Variants in LGALS2 observed in about 807,000 individuals in gnomAD.
LGALS2 encodes the protein galectin 2.
Under a neutral mutation model 10.1 loss-of-function variants are expected in LGALS2, and 7 were observed. The observed-to-expected ratio is 0.70, with a 90% CI of 0.40 to 1.31. The LOEUF is 1.31. LGALS2 is among the 50% of genes most tolerant of loss of function. The probability of loss-of-function intolerance (pLI) is 0.01; values close to 1 mark genes in which losing one functional copy is unlikely to be tolerated. For synonymous variants in LGALS2, 86 were observed against 64.2 expected (o/e 1.34, Z -1.63); for missense variants, 167 against 163.6 (o/e 1.02, Z -0.11).
chr22:37,570,262 T>TC lies in LGALS2; in HGVS notation c.399_*1insG. On this transcript the variant is annotated 3_prime_UTR_variant, in exon 4 of 4. Transcript: ENST00000215886. ...GACAGAGAATCTCGGCTGGAAGTCT[T>TC]TTATTCTTTTAACTTGAAAGAGGAC... 2 of 1,601,516 alleles carry TC rather than the reference T, an allele frequency of 1.2e-6. No homozygotes were observed. Among genetic ancestry groups the TC allele is most frequent in the Non-Finnish European group, 1.7e-6 (2 of 1,170,158 alleles).
At chr22:37,575,724 G>A (rs181605958) in intron 1 of LGALS2, among the ~76,000 whole-genome samples, 34 of 152,220 alleles carry the variant, frequency 2.2e-4, no homozygotes, top group Non-Finnish European at 4.1e-4. Context: ...CAAAGTGTTG[G>A]GATTACAGGT....
chr22:37,570,554 C>T (rs765961125), intron 3 of LGALS2, 22 bp downstream of exon 3: 30 of 1,613,938 alleles, frequency 1.9e-5, no homozygotes, highest in Non-Finnish European at 2.5e-5. Context: ...CACCCCAGTG[C>T]CCTTTCCCCC....
intron 1 of LGALS2, among the ~76,000 whole-genome samples, chr22:37,579,247 C>CAAAAAA (rs111697536): frequency 0.51 from 16,949 of 33,202 alleles, 4,421 homozygotes; most frequent in Non-Finnish European, 0.57. Flanking sequence ...GACTCCATCT[C>CAAAAAA]AAAAAAAAAA....
chr22:37,574,455 G>A (rs5756739), intron 1 of LGALS2, among the ~76,000 whole-genome samples: 75,338 of 149,128 alleles, frequency 0.51, 20,117 homozygotes, highest in Non-Finnish European at 0.58. Flanking sequence ...GGTGGAGGTT[G>A]CAGTGAGCCG....
chr22:37,579,853 C>T, intron 1 of LGALS2, 47 bp downstream of exon 1: 4 of 1,595,098 alleles, frequency 2.5e-6, no homozygotes, highest in Non-Finnish European at 3.4e-6. Flanking sequence ...CAGGCAAAGA[C>T]AAAGATGAAC....
Position 37,571,848 on chromosome 22 carries a change from C to A in LGALS2, c.89+1G>T, listed in dbSNP as rs1288177653. On this transcript the variant is annotated splice_donor_variant, in intron 2 of 3. Coordinates refer to ENST00000215886, the MANE Select transcript of LGALS2 (RefSeq NM_006498.3). LOFTEE classifies it high-confidence loss of function. ...TCCCCCAACCCTGAAACCTTGCTCA[C>A]CCATCAGTGCCATCGGCGATGCTGC... 6.2e-7 allele frequency: 1 copy of A among 1,613,402 alleles called. No individual in the cohort carries two copies. The highest frequency in any genetic ancestry group is 1.7e-5 in the Admixed American group (1 of 60,004).
intron 1 of LGALS2, among the ~76,000 whole-genome samples, chr22:37,573,064 A>G (rs1349996194): frequency 1.3e-5 from 2 of 151,998 alleles, no homozygotes; most frequent in Non-Finnish European, 2.9e-5. Flanking sequence ...ACCTGAGGTC[A>G]GGAGTTTAAG....
intron 1 of LGALS2, among the ~76,000 whole-genome samples, chr22:37,572,306 C>G (rs1018248493): frequency 6.6e-6 from 1 of 152,212 alleles, no homozygotes; most frequent in African/African-American, 2.4e-5. Context: ...TGGAAAATGA[C>G]TGTATCAGAG....
intron 1 of LGALS2, among the ~76,000 whole-genome samples, chr22:37,579,337 T>G (rs1237053851): frequency 6.6e-6 from 1 of 150,956 alleles, no homozygotes; most frequent in Non-Finnish European, 1.5e-5. Context: ...CTCAAGAGGC[T>G]GAGGTGGGAG....
In LGALS2 at chr22:37,576,024, G is replaced by A. The variant is rs80329946; in HGVS notation, c.6+3876C>T. ...CCAAGAATGTCTCCAGACAGGGTCCGTTGTCTCCTGGGAGCAAAACCTCCC... is the reference window on the plus strand; with the variant it reads ...CCAAGAATGTCTCCAGACAGGGTCCATTGTCTCCTGGGAGCAAAACCTCCC... On this transcript the variant is annotated intron_variant, in intron 1 of 3. Transcript: ENST00000215886. 3.6e-3 allele frequency among the ~76,000 whole-genome samples: 545 copies of A among 152,302 alleles called. 2 individuals are homozygous for A. Among genetic ancestry groups the A allele is most frequent in the Non-Finnish European group, 5.1e-3 (348 of 68,028 alleles).
In LGALS2 at chr22:37,579,910, A is replaced by G. The variant is rs1569183669; in HGVS notation, c.-5T>C. On this transcript the variant is annotated 5_prime_UTR_variant, in exon 1 of 4. Transcript: ENST00000215886. ...GGCTAGTGTCCTCACCGTCATGGTG[A>G]CAGCTCCTGGCGGCAGCTCCCAGCG... The G allele has an allele frequency of 6.2e-7, 1 of 1,611,362 alleles. No individual in the cohort carries two copies. Among genetic ancestry groups the G allele is most frequent in the South Asian group, 1.1e-5 (1 of 89,864 alleles).
chr22:37,576,329 GT>G (rs1925673970), intron 1 of LGALS2, among the ~76,000 whole-genome samples: 1 of 151,840 alleles, frequency 6.6e-6, no homozygotes, highest in South Asian at 2.1e-4. Context: ...GCAGGCGCCT[GT>G]AGTCCCAGCT....
chr22:37,573,794 G>A (rs1302988499), intron 1 of LGALS2, among the ~76,000 whole-genome samples: 1 of 151,204 alleles, frequency 6.6e-6, no homozygotes, highest in Non-Finnish European at 1.5e-5. Flanking sequence ...GCAACGGTGC[G>A]ATCTCGACTC....
intron 1 of LGALS2, among the ~76,000 whole-genome samples, chr22:37,577,053 G>A (rs968688596): frequency 2.0e-5 from 3 of 152,314 alleles, no homozygotes; most frequent in Admixed American, 1.3e-4. Flanking sequence ...TGGCAGAGGG[G>A]CCTGGGGCCA....
At chr22:37,572,796 T>TAATAATA (rs1167291713) in intron 1 of LGALS2, among the ~76,000 whole-genome samples, 4 of 138,464 alleles carry the variant, frequency 2.9e-5, no homozygotes, top group East Asian at 2.1e-4. Flanking sequence ...ATAATAATAA[T>TAATAATA]AATAAATAAA....
At chr22:37,577,877 C>T (rs1250440952) in intron 1 of LGALS2, among the ~76,000 whole-genome samples, 1 of 152,094 alleles carries the variant, frequency 6.6e-6, no homozygotes, top group African/African-American at 2.4e-5. Context: ...CCAAGGAATG[C>T]GAGGAGCCAC....
At chr22:37,575,844 G>C (rs1158964694) in intron 1 of LGALS2, among the ~76,000 whole-genome samples, 6 of 152,356 alleles carry the variant, frequency 3.9e-5, no homozygotes, top group African/African-American at 1.4e-4. Context: ...CAGACAGGAG[G>C]CTGCTCAGAC....
At chr22:37,576,181 G>A (rs977777177) in intron 1 of LGALS2, among the ~76,000 whole-genome samples, 33 of 152,178 alleles carry the variant, frequency 2.2e-4, no homozygotes, top group Admixed American at 6.5e-4. Flanking sequence ...GGCCAGGGGC[G>A]GTGGCTCACA....
chr22:37,576,296 C>CA (rs1925671544), intron 1 of LGALS2, among the ~76,000 whole-genome samples: 2 of 151,650 alleles, frequency 1.3e-5, no homozygotes, highest in Middle Eastern at 6.8e-3. Flanking sequence ...ACTAAAAATA[C>CA]AAAAAATTAG....
Sources: gnomAD v4.1 joint callset for allele counts (sites outside exome capture counted in the v4.1 genomes callset) on GRCh38, gnomAD v4.1.1 for gene constraint, MANE v1.5 for transcripts, NCBI Gene and HGNC (gene_info 2026-07-23, HGNC 2026-07-21) for gene names.